Variants in RAD51AP2 observed in about 807,000 individuals in gnomAD.
RAD51AP2 encodes RAD51 associated protein 2, also known as RAD51-associated protein 2.
A neutral mutation model predicts 85.5 loss-of-function variants in RAD51AP2; 67 were observed. That is an observed-to-expected ratio of 0.78 (90% CI 0.64 to 0.96). The LOEUF (loss-of-function observed/expected upper bound fraction) is 0.96, where lower values mean the gene tolerates loss of function less well. Ranked by LOEUF, RAD51AP2 falls within the 40% of genes least tolerant of loss-of-function variation. RAD51AP2 has a pLI of 0.00. For missense variants in RAD51AP2, 1,307 were observed against 1,332.4 expected, an observed-to-expected ratio of 0.98 and a Z score of 0.30; for synonymous variants, 474 against 446.5, an observed-to-expected ratio of 1.06 and a Z score of -0.78.
rs779013283 is a variant in RAD51AP2 at position 17,510,913 on chromosome 2, T to C, written c.3371A>G (p.Lys1124Arg). 1 of 1,608,052 alleles carries C rather than the reference T, an allele frequency of 6.2e-7. No homozygotes were observed. Among genetic ancestry groups the C allele is most frequent in the Non-Finnish European group, 8.5e-7 (1 of 1,176,882 alleles). The change falls in exon 3 of 3, where the codon AAG becomes AGG. Residue 1124 changes from lysine (K) to arginine (R), a missense_variant. Transcript: ENST00000399080. Reference sequence around the variant, plus strand: ...AATCCTGATTGGCCTACTGCATGTCTTAAGCGGTCGTACTCTTGAAATGCC... The same window carrying C: ...AATCCTGATTGGCCTACTGCATGTCCTAAGCGGTCGTACTCTTGAAATGCC... ...PHGISRVRPL[K>R]TCSRPIRIGL...
chr2:17,535,075 T>C, the RAD51AP2 span, among the ~76,000 whole-genome samples: 1 of 152,220 alleles, frequency 6.6e-6, no homozygotes, highest in Non-Finnish European at 1.5e-5. Flanking sequence ...TTTTCATATA[T>C]ACTATCTCAG....
At chr2:17,530,618 C>CA in the RAD51AP2 span, among the ~76,000 whole-genome samples, 1 of 121,572 alleles carries the variant, frequency 8.2e-6, no homozygotes, top group African/African-American at 3.4e-5. Context: ...AAAAAAAAGA[C>CA]ATATATTGAG....
rs11421369 is a variant in RAD51AP2 at position 17,515,007 on chromosome 2, G to GAA, written c.3247+160_3247+161dup. Among the ~76,000 whole-genome samples the GAA allele has an allele frequency of 5.4e-4, 74 of 137,882 alleles. No individual in the cohort carries two copies. In the East Asian group the frequency reaches 7.1e-3, roughly 13 times the overall value. 90.5% of individuals were successfully genotyped at this position (137,882 alleles called of 152,430 possible). On this transcript the variant is annotated intron_variant, in intron 1 of 2. Coordinates refer to ENST00000399080, the MANE Select transcript of RAD51AP2 (RefSeq NM_001099218.3). ...TAAATAAAGCTATGGCTTCTTGCTG[G>GAA]AAAAAAAAAAAAAGAAAGAAAATAG...
At chr2:17,512,207 G>C (rs1662513021) in intron 2 of RAD51AP2, among the ~76,000 whole-genome samples, 1 of 152,164 alleles carries the variant, frequency 6.6e-6, no homozygotes, top group Non-Finnish European at 1.5e-5. Flanking sequence ...TGGCAGGTGG[G>C]TGGGTATCAA....
rs756419603 is a variant in RAD51AP2 at position 17,518,067 on chromosome 2, A to G, written c.349T>C (p.Ser117Pro). The change falls in exon 1 of 3, where the codon TCT becomes CCT. Residue 117 changes from serine to proline, a missense_variant. Physicochemically the swap from Ser to Pro is moderately conservative, Grantham distance 74. Around this residue, in one of 3 missense-constraint regions of RAD51AP2, gnomAD observed 635 missense variants for 643.6 expected, o/e 0.99. Transcript: ENST00000399080. Reference sequence around the variant, plus strand: ...GAATCAGGACTTTGTGAGGGGGGAGACTGCAAACAGCTACTCATTTGGAAT... The same window carrying G: ...GAATCAGGACTTTGTGAGGGGGGAGGCTGCAAACAGCTACTCATTTGGAAT... ...LKFQMSSCLQ[S>P]PPSQSPDSDL... is the part of the protein sequence containing the mutation. The G allele has an allele frequency of 6.2e-7, 1 of 1,614,124 alleles. No homozygotes were observed. The highest frequency in any genetic ancestry group is 8.5e-7 in the Non-Finnish European group (1 of 1,180,026).
the RAD51AP2 span, among the ~76,000 whole-genome samples, chr2:17,534,163 A>T: frequency 5.9e-5 from 9 of 152,188 alleles, no homozygotes; most frequent in Non-Finnish European, 1.3e-4. Flanking sequence ...TATAATTTTT[A>T]ATTTTAGTGC....
the RAD51AP2 span, among the ~76,000 whole-genome samples, chr2:17,536,525 A>G: frequency 2.6e-5 from 4 of 152,342 alleles, no homozygotes; most frequent in South Asian, 4.1e-4. Flanking sequence ...TTGAGGCTGC[A>G]CACTACCTGT....
upstream of RAD51AP2, among the ~76,000 whole-genome samples, chr2:17,520,481 T>G (rs1475172504): frequency 6.6e-6 from 1 of 152,162 alleles, no homozygotes; most frequent in African/African-American, 2.4e-5. Context: ...TACCCAACCC[T>G]TCCTTTGAAG....
At chr2:17,512,175 G>A (rs896153716) in intron 2 of RAD51AP2, among the ~76,000 whole-genome samples, 41 of 152,148 alleles carry the variant, frequency 2.7e-4, no homozygotes, top group Middle Eastern at 3.2e-3. Flanking sequence ...CAACGGAAAC[G>A]TTAAGAGAAG....
rs569697835 is a variant in RAD51AP2 at position 17,518,333 on chromosome 2, G to C, written c.83C>G (p.Ser28Cys). 3 of 1,614,112 alleles carry C rather than the reference G, an allele frequency of 1.9e-6. No individual in the cohort carries two copies. The highest frequency in any genetic ancestry group is 2.5e-6 in the Non-Finnish European group (3 of 1,180,016). The change falls in exon 1 of 3, where the codon TCC becomes TGC. Residue 28 changes from serine to cysteine, a missense_variant. Physicochemically the swap from Ser to Cys is moderately radical, Grantham distance 112 (BLOSUM62 -1). Coordinates refer to ENST00000399080, the MANE Select transcript of RAD51AP2 (RefSeq NM_001099218.3). ...SSLTPPEDPD[S>C]QPPSSKRLCL... ...GAGCCGCTTGCTACTAGGTGGTTGG[G>C]AATCCGGGTCCTCAGGAGGCGTTAA...
the RAD51AP2 span, among the ~76,000 whole-genome samples, chr2:17,530,498 T>C: frequency 6.8e-6 from 1 of 146,910 alleles, no homozygotes; most frequent in African/African-American, 2.6e-5. Flanking sequence ...GGAAGATTAC[T>C]TGAGCCCAAG....
At chr2:17,513,572 T>C (rs985606095) in intron 2 of RAD51AP2, among the ~76,000 whole-genome samples, 1 of 152,122 alleles carries the variant, frequency 6.6e-6, no homozygotes, top group Non-Finnish European at 1.5e-5. Flanking sequence ...AGTATAAACA[T>C]CAGTCAAAAA....
rs1394602190 is a variant in RAD51AP2 at position 17,518,013 on chromosome 2, C to T, written c.403G>A (p.Ala135Thr). The change falls in exon 1 of 3, where the codon GCA becomes ACA. Residue 135 changes from alanine to threonine, a missense_variant. Around this residue, in one of 3 missense-constraint regions of RAD51AP2, gnomAD observed 635 missense variants for 643.6 expected, o/e 0.99. Transcript: ENST00000399080. ...SDLRASGRSE[A>T]GLHDREAFSV... ...AAAGCCTCTCTGTCATGCAGGCCTG[C>T]CTCAGACCTTCCTGAAGCCCTCAAA... 2.5e-6 allele frequency: 4 copies of T among 1,614,022 alleles called. No homozygotes were observed. Among genetic ancestry groups the T allele is most frequent in the Admixed American group, 3.3e-5 (2 of 60,008 alleles).
chr2:17,533,243 G>A, the RAD51AP2 span, among the ~76,000 whole-genome samples: 1 of 152,108 alleles, frequency 6.6e-6, no homozygotes, highest in Non-Finnish European at 1.5e-5. Flanking sequence ...ATGTCTGCTG[G>A]ACCTCTCCAC....
In RAD51AP2 at chr2:17,517,148, A is replaced by T. The variant is rs1240058655; in HGVS notation, c.1268T>A (p.Met423Lys). 2.5e-6 allele frequency: 4 copies of T among 1,607,582 alleles called. No individual in the cohort carries two copies. The African/African-American group carries it at 5.4e-5, about 22-fold the overall frequency. The change falls in exon 1 of 3, where the codon ATG (methionine) becomes AAG (lysine). Residue 423 changes from methionine (M) to lysine (K), a missense_variant. Physicochemically the swap from Met to Lys is moderately conservative, Grantham distance 95. This residue lies in a region of RAD51AP2 where 635 missense variants were observed against 643.6 expected (regional missense o/e 0.99). Transcript: ENST00000399080. ...ATTCCATTTTTCTTCAGTTTTTTTC[A>T]TATTTTCACATTTAGTCTTGCAATT... ...INNCKTKCEN[M>K]KKTEEKWNWL... is the part of the protein sequence containing the mutation.
the RAD51AP2 span, among the ~76,000 whole-genome samples, chr2:17,536,477 A>G: frequency 8.5e-5 from 13 of 152,352 alleles, no homozygotes; most frequent in Non-Finnish European, 1.6e-4. Context: ...GTCAGGCCAA[A>G]TAGTAGAAGA....
chr2:17,528,678 C>CA, the RAD51AP2 span, among the ~76,000 whole-genome samples: 2 of 151,820 alleles, frequency 1.3e-5, no homozygotes, highest in Admixed American at 6.6e-5. Context: ...CCCATCTCTA[C>CA]AAAAAATTTT....
chr2:17,521,957 T>A (rs185082858), upstream of RAD51AP2, among the ~76,000 whole-genome samples: 409 of 152,112 alleles, frequency 2.7e-3, 1 homozygote, highest in Non-Finnish European at 4.6e-3. Context: ...GACCCTGAAA[T>A]TAATCCCCCT....
chr2:17,513,764 T>A (rs954251702), intron 2 of RAD51AP2, among the ~76,000 whole-genome samples: 1 of 152,232 alleles, frequency 6.6e-6, no homozygotes, highest in Non-Finnish European at 1.5e-5. Flanking sequence ...GTCACTTTAA[T>A]ACATCAATAC....
Sources: allele counts gnomAD v4.1 joint callset (sites outside exome capture counted in the v4.1 genomes callset), GRCh38; gene constraint gnomAD v4.1.1; regional missense constraint gnomAD v4.1.1; transcripts MANE v1.5; gene names NCBI Gene and HGNC (gene_info 2026-07-23, HGNC 2026-07-21).